Variants in ENOX2 observed in about 807,000 individuals in gnomAD.
ENOX2 encodes the protein ecto-NOX disulfide-thiol exchanger 2, also known as APK1 antigen.
Under a neutral mutation model 45.0 loss-of-function variants are expected in ENOX2, and 36 were observed. The ratio of observed to expected loss-of-function variants is 0.80; its 90% CI spans 0.61 to 1.06. ENOX2 has a LOEUF of 1.06. Ranked by LOEUF, ENOX2 falls within the 50% of genes least tolerant of loss-of-function variation. The probability of loss-of-function intolerance (pLI) is 0.00; values close to 1 mark genes in which losing one functional copy is unlikely to be tolerated. For synonymous variants in ENOX2, 174 were observed against 152.3 expected, an observed-to-expected ratio of 1.14 and a Z score of -1.05; for missense variants, 423 against 462.5, an observed-to-expected ratio of 0.91 and a Z score of 0.78.
At chrX:130,800,549 C>T (rs1391146511) in intron 2 of ENOX2, among the ~76,000 whole-genome samples, 1 of 111,648 alleles carries the variant, frequency 9.0e-6, no homozygotes, top group Non-Finnish European at 1.9e-5. Flanking sequence ...TATTTTAATA[C>T]ATCTACAAAA....
rs779053181 is a variant in ENOX2, at chrX:130,810,092, C to A, written c.-182-26402G>T. Reference sequence around the variant, plus strand: ...CTACCCACGTCAATCCCTCTCCCAACCCCATGCAGCACAGTATGGAAAGAT... The same window carrying A: ...CTACCCACGTCAATCCCTCTCCCAAACCCATGCAGCACAGTATGGAAAGAT... On this transcript the variant is annotated intron_variant, in intron 2 of 14. Transcript: ENST00000394363. Among the ~76,000 whole-genome samples, 3 of 110,713 alleles carry A rather than the reference C, an allele frequency of 2.7e-5. No homozygotes were observed. The South Asian group carries it at 1.2e-3, about 44-fold the overall frequency.
chrX:130,887,031 G>A (rs767548741), intron 2 of ENOX2, among the ~76,000 whole-genome samples: 1 of 111,867 alleles, frequency 8.9e-6, no homozygotes, highest in East Asian at 2.8e-4. Flanking sequence ...AGAAAACGCA[G>A]ATTTTATACA....
chrX:130,766,929 T>C (rs2039631508), intron 3 of ENOX2, among the ~76,000 whole-genome samples: 1 of 112,145 alleles, frequency 8.9e-6, no homozygotes, highest in Non-Finnish European at 1.9e-5. Flanking sequence ...TAATTACTGG[T>C]AAGATCACAA....
chrX:130,760,542 C>T (rs1225270631), intron 3 of ENOX2, among the ~76,000 whole-genome samples: 1 of 109,582 alleles, frequency 9.1e-6, no homozygotes, highest in Non-Finnish European at 1.9e-5. Flanking sequence ...GCTCCCAGCA[C>T]TTTAGGAGGC....
At chrX:130,776,109 G>A (rs754325097) in intron 3 of ENOX2, among the ~76,000 whole-genome samples, 3 of 111,542 alleles carry the variant, frequency 2.7e-5, no homozygotes, top group Non-Finnish European at 5.6e-5. Flanking sequence ...GGACAAAAAT[G>A]ACATTTGCTT....
intron 2 of ENOX2, among the ~76,000 whole-genome samples, chrX:130,804,018 T>C (rs1480288888): frequency 9.0e-6 from 1 of 111,464 alleles, no homozygotes; most frequent in Non-Finnish European, 1.9e-5. Flanking sequence ...TCCTTCCCCA[T>C]CAGAATCTCC....
At chrX:130,769,188 T>C (rs886208270) in intron 3 of ENOX2, among the ~76,000 whole-genome samples, 1 of 111,292 alleles carries the variant, frequency 9.0e-6, no homozygotes, top group Non-Finnish European at 1.9e-5. Context: ...CCCAGAACAT[T>C]TCTCAGTGAA....
chrX:130,812,082 A>G (rs2077399038), intron 2 of ENOX2, among the ~76,000 whole-genome samples: 1 of 112,080 alleles, frequency 8.9e-6, no homozygotes, highest in South Asian at 3.7e-4. Context: ...GCATCAATAG[A>G]GCAAACATTA....
chrX:130,687,427 A>T (rs916109984), intron 5 of ENOX2, among the ~76,000 whole-genome samples: 2 of 112,719 alleles, frequency 1.8e-5, no homozygotes, highest in Middle Eastern at 4.6e-3. Flanking sequence ...AAAAGGTACT[A>T]TCAGGAATAC....
At chrX:130,722,763 G>C (rs1034974569) in intron 3 of ENOX2, among the ~76,000 whole-genome samples, 14 of 112,176 alleles carry the variant, frequency 1.2e-4, no homozygotes, top group Non-Finnish European at 2.3e-4. Flanking sequence ...CATCAGAGGA[G>C]AGAATTGAGG....
At chrX:130,786,228 TA>T (rs777239952) in intron 2 of ENOX2, among the ~76,000 whole-genome samples, 2 of 112,049 alleles carry the variant, frequency 1.8e-5, no homozygotes, top group African/African-American at 6.5e-5. Flanking sequence ...TGCCACAGCT[TA>T]AAAGTTCTGA....
At position 130,741,260 on chromosome X, in the gene ENOX2, G is replaced by A. The variant is rs1046537271; in HGVS notation, c.-38-38006C>T. On this transcript the variant is annotated intron_variant, in intron 3 of 14. Transcript: ENST00000394363. ...AGGACCGTCATGGTTAGTCTGAGGAGACTGCCCTGTGGGGAATATATATAT... is the reference window on the plus strand; with the variant it reads ...AGGACCGTCATGGTTAGTCTGAGGAAACTGCCCTGTGGGGAATATATATAT... 2.7e-5 allele frequency among the ~76,000 whole-genome samples: 3 copies of A among 111,361 alleles called. No individual in the cohort carries two copies. In the Admixed American group the frequency reaches 2.9e-4, roughly 11 times the overall value.
intron 5 of ENOX2, among the ~76,000 whole-genome samples, chrX:130,682,583 C>CAAAAAAAAAAA (rs55875735): frequency 2.7e-4 from 4 of 14,659 alleles, no homozygotes; most frequent in African/African-American, 6.1e-4. Flanking sequence ...GACTCCGTCT[C>CAAAAAAAAAAA]AAAAAAAAAA....
chrX:130,844,162 G>A (rs371586248), intron 2 of ENOX2, among the ~76,000 whole-genome samples: 66 of 111,889 alleles, frequency 5.9e-4, no homozygotes, highest in South Asian at 1.1e-3. Flanking sequence ...TTTCCACACT[G>A]TACAACTAAG....
At chrX:130,681,392 GT>G (rs1309941090) in intron 5 of ENOX2, among the ~76,000 whole-genome samples, 1 of 109,339 alleles carries the variant, frequency 9.1e-6, no homozygotes, top group Non-Finnish European at 1.9e-5. Context: ...CTGTGCATTC[GT>G]TTTTTTTTGT....
In ENOX2 at chrX:130,783,939, TTTAG is replaced by T. The variant is rs766599062; in HGVS notation, c.-182-253_-182-250del. ...CCTGTTTCTGCGGCAACTTAACATT[TTTAG>T]TCATAAGCTAGCAACTGATAGGTCC... On this transcript the variant is annotated intron_variant, in intron 2 of 14. Coordinates refer to ENST00000394363, the MANE Select transcript of ENOX2 (RefSeq NM_006375.4). Among the ~76,000 whole-genome samples, 94 of 112,105 alleles carry T rather than the reference TTTAG, an allele frequency of 8.4e-4. 2 individuals carry two copies. The highest frequency in any genetic ancestry group is 2.9e-3 in the African/African-American group (90 of 30,867).
chrX:130,822,326 C>T (rs1433400103), intron 2 of ENOX2, among the ~76,000 whole-genome samples: 1 of 112,024 alleles, frequency 8.9e-6, no homozygotes, highest in Non-Finnish European at 1.9e-5. Context: ...AATAGAAATA[C>T]TACTTCAAAT....
intron 6 of ENOX2, among the ~76,000 whole-genome samples, chrX:130,675,596 C>T (rs2037125930): frequency 8.9e-6 from 1 of 112,009 alleles, no homozygotes; most frequent in African/African-American, 3.3e-5. Context: ...GGGAAAATGA[C>T]ACCAAGTGGA....
intron 12 of ENOX2, among the ~76,000 whole-genome samples, chrX:130,633,870 G>T (rs1457950804): frequency 8.9e-6 from 1 of 112,396 alleles, no homozygotes; most frequent in Non-Finnish European, 1.9e-5. Flanking sequence ...AGCAGCTTTG[G>T]CTCTTTTCAA....
Sources: gnomAD v4.1 joint callset for allele counts (sites outside exome capture counted in the v4.1 genomes callset) on GRCh38, gnomAD v4.1.1 for gene constraint, MANE v1.5 for transcripts, NCBI Gene and HGNC (gene_info 2026-07-23, HGNC 2026-07-21) for gene names.